Variants in RABGAP1 observed in about 807,000 individuals in gnomAD.
The protein encoded by RABGAP1 is RAB GTPase activating protein 1.
Under a neutral mutation model 137.6 loss-of-function variants are expected in RABGAP1, and 23 were observed. The observed-to-expected ratio is 0.17, with a 90% confidence interval of 0.12 to 0.24. The LOEUF (loss-of-function observed/expected upper bound fraction) is 0.24. RABGAP1 is among the 10% of genes least tolerant of loss of function. The pLI, the probability that RABGAP1 is intolerant of heterozygous loss-of-function variation, is 1.00. For missense variants in RABGAP1, 906 were observed against 1,275.8 expected, an observed-to-expected ratio of 0.71 and a Z score of 4.42; for synonymous variants, 451 against 450.7, an observed-to-expected ratio of 1.00 and a Z score of -0.01.
chr9:123,097,436 C>T lies in RABGAP1; in HGVS notation c.2629-305C>T, dbSNP rs1010836525. On this transcript the variant is annotated intron_variant, in intron 21 of 25. Coordinates refer to ENST00000373647, the MANE Select transcript of RABGAP1 (RefSeq NM_012197.4). Reference sequence around the variant, plus strand: ...TTGCCTTATCCCTCAGATGAAGAGCCGGAAGCTTAGAGAGGTTCTCAATGA... The same window carrying T: ...TTGCCTTATCCCTCAGATGAAGAGCTGGAAGCTTAGAGAGGTTCTCAATGA... 4.6e-5 allele frequency among the ~76,000 whole-genome samples: 7 copies of T among 152,234 alleles called. No homozygotes were observed. The South Asian group carries it at 6.2e-4, about 14-fold the overall frequency.
chr9:122,932,680 C>G, the RABGAP1 span, among the ~76,000 whole-genome samples: 2 of 152,112 alleles, frequency 1.3e-5, no homozygotes, highest in Non-Finnish European at 2.9e-5. Flanking sequence ...CAGGCATGCG[C>G]CACCACACCG....
chr9:123,007,966 A>G (rs2030449901), intron 10 of RABGAP1, among the ~76,000 whole-genome samples: 1 of 149,720 alleles, frequency 6.7e-6, no homozygotes, highest in Non-Finnish European at 1.5e-5. Flanking sequence ...ACCTATGTTT[A>G]AATTATATGT....
chr9:123,082,070 ATT>A (rs531295164), intron 19 of RABGAP1, among the ~76,000 whole-genome samples: 2 of 144,334 alleles, frequency 1.4e-5, no homozygotes, highest in Non-Finnish European at 1.5e-5. Context: ...GCCCTTGGAA[ATT>A]TTTTTTTTTT....
chr9:122,990,793 AAAAATATATATATATATATATAT>A (rs1836665305), intron 6 of RABGAP1: 1 of 52,240 alleles, frequency 1.9e-5, no homozygotes, highest in African/African-American at 7.6e-5. Context: ...AAAAAAAAAA[AAAAATATATATATATATATATAT>A]ATATATATAT....
chr9:122,963,698 CA>C (rs1198628321), intron 2 of RABGAP1, among the ~76,000 whole-genome samples: 1 of 152,068 alleles, frequency 6.6e-6, no homozygotes, highest in East Asian at 1.9e-4. Flanking sequence ...CCTAACGTTC[CA>C]CCTTAAGACC....
chr9:123,063,571 A>AT (rs2034060184), intron 13 of RABGAP1, among the ~76,000 whole-genome samples: 1 of 152,180 alleles, frequency 6.6e-6, no homozygotes, highest in Non-Finnish European at 1.5e-5. Flanking sequence ...TAATTTTAGC[A>AT]TTTTGTAGAT....
intron 1 of RABGAP1, among the ~76,000 whole-genome samples, chr9:122,949,740 T>G (rs1462200343): frequency 6.6e-6 from 1 of 151,520 alleles, no homozygotes; most frequent in East Asian, 1.9e-4. Flanking sequence ...GATATTATTT[T>G]ACTGTGTGGT....
intron 10 of RABGAP1, among the ~76,000 whole-genome samples, chr9:123,002,389 C>T (rs922367353): frequency 2.0e-4 from 29 of 147,730 alleles, no homozygotes; most frequent in Non-Finnish European, 4.2e-4. Context: ...ACTTACTGGC[C>T]TGAGAATAGT....
At chr9:122,972,761 C>T (rs1481980315) in intron 2 of RABGAP1, among the ~76,000 whole-genome samples, 1 of 151,988 alleles carries the variant, frequency 6.6e-6, no homozygotes, top group Non-Finnish European at 1.5e-5. Context: ...AGGGAAGGGT[C>T]AAGGAAGGCT....
intron 13 of RABGAP1, among the ~76,000 whole-genome samples, chr9:123,036,647 G>C (rs754619609): frequency 3.3e-5 from 5 of 152,128 alleles, no homozygotes; most frequent in Non-Finnish European, 5.9e-5. Context: ...CAAGGTAGTT[G>C]AGACATTTTC....
chr9:123,027,532 T>A (rs1306942839), intron 13 of RABGAP1, among the ~76,000 whole-genome samples: 1 of 152,258 alleles, frequency 6.6e-6, no homozygotes, highest in Non-Finnish European at 1.5e-5. Flanking sequence ...ATTGTTTTGC[T>A]TTTTAATTAA....
intron 2 of RABGAP1, among the ~76,000 whole-genome samples, chr9:122,965,627 G>A (rs1457950406): frequency 3.9e-5 from 6 of 152,130 alleles, no homozygotes; most frequent in African/African-American, 1.2e-4. Context: ...CAGGTGATCC[G>A]CCTGCCTCGG....
chr9:123,098,648 C>A, intron 22 of RABGAP1, 67 bp from the exon 23 acceptor site: 1 of 1,399,608 alleles, frequency 7.1e-7, no homozygotes, highest in Non-Finnish European at 9.9e-7. Context: ...TAGCACTAAG[C>A]GGTTGGTGGC....
At position 123,103,129 on chromosome 9, in the gene RABGAP1, G is replaced by C; in HGVS notation, c.3126G>C (p.Val1042=). 3 of 1,614,154 alleles carry C rather than the reference G, an allele frequency of 1.9e-6. No homozygotes were observed. Among genetic ancestry groups the C allele is most frequent in the Non-Finnish European group, 2.5e-6 (3 of 1,180,008 alleles). ...EHHLGLALNE[V]QAAKKTWFNR... is the part of the protein sequence containing the mutation. ...ATTTAGGGCTTGCCCTCAATGAGGTGCAGGCAGCCAAGAAGACGTGGTTTA... is the reference window on the plus strand; with the variant it reads ...ATTTAGGGCTTGCCCTCAATGAGGTCCAGGCAGCCAAGAAGACGTGGTTTA... The change falls in exon 26 of 26, where the codon GTG becomes GTC. Residue 1042 remains valine, a synonymous_variant. Transcript: ENST00000373647.
rs36106283 is a variant in RABGAP1, at chr9:123,010,431, G to C, written c.1452G>C (p.Glu484Asp). 9.9e-6 allele frequency: 16 copies of C among 1,613,858 alleles called. No homozygotes were observed. The highest frequency in any genetic ancestry group is 2.2e-5 in the South Asian group (2 of 91,066). Reference protein sequence around the residue: ...VVCLESESERERRKTTASPSV... With the variant: ...VVCLESESERDRRKTTASPSV... ...GCTTGGAAAGTGAATCAGAAAGAGA[G>C]AGGAGGAAAACTACAGCCAGTCCTT... Residue 484 changes from glutamate to aspartate, a missense_variant, in exon 11 of 26, where the codon GAG becomes GAC. Physicochemically the swap from Glu to Asp is conservative, Grantham distance 45. Transcript: ENST00000373647.
chr9:123,024,860 C>T (rs2031864437), intron 13 of RABGAP1, among the ~76,000 whole-genome samples: 1 of 152,128 alleles, frequency 6.6e-6, no homozygotes, highest in African/African-American at 2.4e-5. Context: ...TAAACACTCT[C>T]CATATATTAT....
At chr9:122,955,669 A>G (rs1441945271) in intron 1 of RABGAP1, among the ~76,000 whole-genome samples, 1 of 151,840 alleles carries the variant, frequency 6.6e-6, no homozygotes, top group Non-Finnish European at 1.5e-5. Context: ...CATCAACTTG[A>G]TTTTAGATTT....
At chr9:122,948,042 A>AACACACACACACACACAC (rs55683114) in intron 1 of RABGAP1, among the ~76,000 whole-genome samples, 2 of 145,958 alleles carry the variant, frequency 1.4e-5, no homozygotes, top group East Asian at 4.1e-4. Context: ...GAGCCAGGAA[A>AACACACACACACACACAC]ACACACACAC....
In RABGAP1 at chr9:123,090,378, T is replaced by C; in HGVS notation, c.2621T>C (p.Leu874Pro). The C allele has an allele frequency of 6.2e-7, 1 of 1,608,960 alleles. No individual in the cohort carries two copies. Among genetic ancestry groups the C allele is most frequent in the Non-Finnish European group, 8.5e-7 (1 of 1,176,492 alleles). ...AGCAAGATTGCACTACGGAAGGACC[T>C]GGATAACGTAAGTCCAACGGGTCTG... ...VTSKIALRKD[L>P]DNAEEKADAL... is the part of the protein sequence containing the mutation. The change falls in exon 21 of 26, where the codon CTG becomes CCG. Residue 874 changes from leucine (L) to proline (P), a missense_variant. By Grantham distance (98) the Leu-to-Pro change is moderately conservative. Transcript: ENST00000373647.
Sources: allele counts gnomAD v4.1 joint callset (sites outside exome capture counted in the v4.1 genomes callset), GRCh38; gene constraint gnomAD v4.1.1; transcripts MANE v1.5; gene names NCBI Gene and HGNC (gene_info 2026-07-23, HGNC 2026-07-21).